The following FHOD3 variants were observed in gnomAD, a reference collection of about 807,000 sequenced individuals.
FHOD3 encodes the protein FH1/FH2 domain-containing protein 3.
FHOD3 carries 90 observed loss-of-function variants against 173.0 expected under a neutral mutation model. The observed-to-expected ratio is 0.52, with a 90% CI of 0.44 to 0.62. FHOD3 has a LOEUF of 0.62. Among genes scored for constraint, FHOD3 ranks in the 20% least tolerant of loss-of-function variants. FHOD3 has a pLI of 0.00. For synonymous variants in FHOD3, 828 were observed against 823.0 expected (o/e 1.01, Z -0.10); for missense variants, 1,945 against 2,034.7 (o/e 0.96, Z 0.85).
At chr18:36,628,262 C>T (rs746808639) in intron 10 of FHOD3, among the ~76,000 whole-genome samples, 2 of 152,142 alleles carry the variant, frequency 1.3e-5, no homozygotes, top group African/African-American at 2.4e-5. Flanking sequence ...TATTCCAAAT[C>T]ACAGGACTAA....
chr18:36,361,201 G>A (rs973386667), intron 2 of FHOD3, among the ~76,000 whole-genome samples: 1 of 151,936 alleles, frequency 6.6e-6, no homozygotes, highest in African/African-American at 2.4e-5. Context: ...AGGCCATCAA[G>A]TTCTGCCCCT....
intron 1 of FHOD3, among the ~76,000 whole-genome samples, chr18:36,307,113 G>A (rs1436650581): frequency 3.9e-5 from 6 of 152,196 alleles, no homozygotes; most frequent in Non-Finnish European, 5.9e-5. Context: ...ACAGGCATGC[G>A]CCACCATGCC....
chr18:36,690,986 A>T (rs1469849989), intron 16 of FHOD3, among the ~76,000 whole-genome samples: 1 of 151,892 alleles, frequency 6.6e-6, no homozygotes, highest in Non-Finnish European at 1.5e-5. Context: ...TAAACCTCTA[A>T]CTCTTCCCAT....
chr18:36,401,036 G>A (rs1217796692), intron 3 of FHOD3, among the ~76,000 whole-genome samples: 1 of 152,128 alleles, frequency 6.6e-6, no homozygotes, highest in Admixed American at 6.6e-5. Context: ...TTGCATTCCA[G>A]GGAGCCACTG....
chr18:36,417,091 G>A (rs1167453789), intron 3 of FHOD3, among the ~76,000 whole-genome samples: 1 of 151,984 alleles, frequency 6.6e-6, no homozygotes, highest in Non-Finnish European at 1.5e-5. Context: ...TTAAGTTCAG[G>A]GAGTACGTGT....
chr18:36,356,399 C>G (rs1325473753), intron 2 of FHOD3, among the ~76,000 whole-genome samples: 2 of 152,124 alleles, frequency 1.3e-5, no homozygotes, highest in Non-Finnish European at 2.9e-5. Flanking sequence ...AAAGTGAAAC[C>G]TCTCTAGGAA....
chr18:36,601,984 C>T (rs1251534113), intron 7 of FHOD3, among the ~76,000 whole-genome samples: 1 of 152,204 alleles, frequency 6.6e-6, no homozygotes, highest in Non-Finnish European at 1.5e-5. Context: ...AAGTCCCCTG[C>T]AGTCATCCCT....
intron 12 of FHOD3, 67 bp downstream of exon 12, chr18:36,652,996 C>A: frequency 6.9e-7 from 1 of 1,455,954 alleles, no homozygotes; most frequent in South Asian, 1.4e-5. Flanking sequence ...GTGTTAACTG[C>A]ACCCCTTGGC....
chr18:36,317,463 T>C (rs1487693986), intron 1 of FHOD3, among the ~76,000 whole-genome samples: 3 of 152,226 alleles, frequency 2.0e-5, no homozygotes, highest in Admixed American at 6.5e-5. Flanking sequence ...ATTTGCATTT[T>C]TCTAATGACC....
chr18:36,642,105 T>C (rs1009678516), intron 10 of FHOD3, among the ~76,000 whole-genome samples: 3 of 151,654 alleles, frequency 2.0e-5, no homozygotes, highest in South Asian at 4.2e-4. Context: ...CATGGACACA[T>C]AGAGGGGAAC....
chr18:36,491,836 C>A (rs1424194127), intron 3 of FHOD3, among the ~76,000 whole-genome samples: 1 of 152,186 alleles, frequency 6.6e-6, no homozygotes, highest in Non-Finnish European at 1.5e-5. Context: ...GAATAATAAA[C>A]ACTCCATTGT....
chr18:36,764,933 CTG>C lies in FHOD3; in HGVS notation c.4624+4154_4624+4155del, dbSNP rs757644189. Among the ~76,000 whole-genome samples the C allele has an allele frequency of 7.2e-5, 11 of 152,198 alleles. No individual in the cohort carries two copies. The East Asian group carries it at 1.7e-3, about 24-fold the overall frequency. On this transcript the variant is annotated intron_variant, in intron 27 of 28. Coordinates refer to ENST00000590592, the MANE Select transcript of FHOD3 (RefSeq NM_001281740.3). ...TTGGAGGTGAGCTGACATTGCCTCTCTGTGAGCATTTGCCAAATCTGGGCACA... is the reference window on the plus strand; with the variant it reads ...TTGGAGGTGAGCTGACATTGCCTCTCTGAGCATTTGCCAAATCTGGGCACA...
chr18:36,694,136 G>A (rs548332362), intron 17 of FHOD3, among the ~76,000 whole-genome samples: 3 of 152,296 alleles, frequency 2.0e-5, no homozygotes, highest in South Asian at 4.2e-4. Context: ...TCTCAGCAGC[G>A]TTTACACAGT....
chr18:36,694,749 G>C (rs140766665), intron 17 of FHOD3, among the ~76,000 whole-genome samples: 309 of 152,262 alleles, frequency 2.0e-3, no homozygotes, highest in African/African-American at 7.0e-3. Context: ...GAACAGCTCC[G>C]AGCTGAGAGG....
chr18:36,436,544 G>A (rs2050819730), intron 3 of FHOD3, among the ~76,000 whole-genome samples: 1 of 152,180 alleles, frequency 6.6e-6, no homozygotes. Flanking sequence ...AGATTGCTAT[G>A]TTACGTCCCA....
chr18:36,321,853 G>T (rs751435658), intron 1 of FHOD3, among the ~76,000 whole-genome samples: 10 of 152,244 alleles, frequency 6.6e-5, no homozygotes, highest in African/African-American at 9.6e-5. Context: ...CATTCACTCT[G>T]CCGAGTCCTG....
chr18:36,582,259 G>A (rs1419952420), intron 6 of FHOD3, among the ~76,000 whole-genome samples: 2 of 152,316 alleles, frequency 1.3e-5, no homozygotes, highest in Non-Finnish European at 2.9e-5. Context: ...CTCTGGTCTT[G>A]GAGCCACTGG....
chr18:36,323,720 C>T (rs981943590), intron 1 of FHOD3, among the ~76,000 whole-genome samples: 1 of 152,236 alleles, frequency 6.6e-6, no homozygotes, highest in Non-Finnish European at 1.5e-5. Flanking sequence ...AATCTCACCT[C>T]TTCTCCCCAG....
intron 3 of FHOD3, among the ~76,000 whole-genome samples, chr18:36,492,220 A>G (rs2054507643): frequency 6.6e-6 from 1 of 152,084 alleles, no homozygotes; most frequent in South Asian, 2.1e-4. Context: ...TTTGCACAGC[A>G]TTTCTCACTG....
Sources: gnomAD v4.1 joint callset for allele counts (sites outside exome capture counted in the v4.1 genomes callset) on GRCh38, gnomAD v4.1.1 for gene constraint, MANE v1.5 for transcripts, NCBI Gene and HGNC (gene_info 2026-07-23, HGNC 2026-07-21) for gene names.